KAZN: variants seen among roughly 807,000 people sequenced by gnomAD.
KAZN encodes kazrin, periplakin interacting protein.
KAZN carries 40 observed loss-of-function variants against 87.4 expected under a neutral mutation model. The observed-to-expected ratio is 0.46, with a 90% CI of 0.36 to 0.60. The LOEUF (loss-of-function observed/expected upper bound fraction) is 0.60. Among genes scored for constraint, KAZN ranks in the 20% least tolerant of loss-of-function variants. The pLI is 0.00. For missense variants in KAZN, 898 were observed against 1,073.9 expected, an observed-to-expected ratio of 0.84 and a Z score of 2.29; for synonymous variants, 466 against 458.3, an observed-to-expected ratio of 1.02 and a Z score of -0.22.
chr1:14,414,507 G>A (rs1357754460), intron 2 of KAZN, among the ~76,000 whole-genome samples: 1 of 152,132 alleles, frequency 6.6e-6, no homozygotes, highest in African/African-American at 2.4e-5. Flanking sequence ...GGATGAAACT[G>A]TAGAAACATA....
chr1:14,477,600 T>C (rs1668823678), intron 2 of KAZN, among the ~76,000 whole-genome samples: 1 of 152,102 alleles, frequency 6.6e-6, no homozygotes, highest in Non-Finnish European at 1.5e-5. Context: ...AGCCACTTGG[T>C]TCACATAGCC....
intron 2 of KAZN, among the ~76,000 whole-genome samples, chr1:14,268,764 A>C (rs1214479976): frequency 6.6e-6 from 1 of 152,224 alleles, no homozygotes; most frequent in Non-Finnish European, 1.5e-5. Context: ...CCCAATTTTC[A>C]CAGCCAGGTT....
chr1:14,733,848 G>GC (rs1437393233), intron 1 of KAZN, among the ~76,000 whole-genome samples: 3 of 152,100 alleles, frequency 2.0e-5, no homozygotes, highest in Non-Finnish European at 4.4e-5. Context: ...CTGGGGTTTG[G>GC]CCCCCCGATC....
chr1:14,117,788 C>T (rs1644660175), intron 1 of KAZN, among the ~76,000 whole-genome samples: 1 of 152,110 alleles, frequency 6.6e-6, no homozygotes, highest in Non-Finnish European at 1.5e-5. Flanking sequence ...GTGCCTCACA[C>T]TGTAAGGGGT....
intron 1 of KAZN, among the ~76,000 whole-genome samples, chr1:14,852,923 T>C (rs1420426257): frequency 6.6e-6 from 1 of 152,214 alleles, no homozygotes; most frequent in Non-Finnish European, 1.5e-5. Context: ...ATCTGTGCTT[T>C]AACCAGATCC....
In KAZN at chr1:13,923,591, A is replaced by T. The variant is rs898724561; in HGVS notation, c.91+29835A>T. The stretch of plus-strand genomic sequence containing the variant: ...CCATCTCAAAAAAAAAAAAAAAAAA[A>T]ATATAATTACTGTTTGTTAAGTGGA... On this transcript the variant is annotated intron_variant, in intron 1 of 16. Transcript: ENST00000636203. Among the ~76,000 whole-genome samples, 645 of 151,140 alleles carry T rather than the reference A, an allele frequency of 4.3e-3. 3 individuals are homozygous for T. The highest frequency in any genetic ancestry group is 0.013 in the African/African-American group (550 of 41,044).
At chr1:14,526,799 C>T (rs1671891415) in intron 2 of KAZN, among the ~76,000 whole-genome samples, 17 of 152,120 alleles carry the variant, frequency 1.1e-4, no homozygotes, top group Admixed American at 1.1e-3. Context: ...GTGTTCTCCC[C>T]CGCTGCTCAA....
Position 13,989,652 on chromosome 1 carries a change from A to G in KAZN, c.91+95896A>G, listed in dbSNP as rs1240196758. Among the ~76,000 whole-genome samples, 7 of 152,174 alleles carry G rather than the reference A, an allele frequency of 4.6e-5. No homozygotes were observed. The South Asian group carries it at 1.5e-3, about 32-fold the overall frequency. The stretch of plus-strand genomic sequence containing the variant: ...TCTAGGTGGTGGGGATAAATCAGTG[A>G]ATGGGAAAGGCAAGATTCTGTACTA... On this transcript the variant is annotated intron_variant, in intron 1 of 16. Transcript: ENST00000636203.
At chr1:15,045,206 C>T (rs1673350222) in intron 4 of KAZN, among the ~76,000 whole-genome samples, 1 of 152,140 alleles carries the variant, frequency 6.6e-6, no homozygotes. Flanking sequence ...ATCCAGGGAG[C>T]TTGTGGCTAG....
intron 2 of KAZN, among the ~76,000 whole-genome samples, chr1:14,505,071 T>G (rs571554784): frequency 6.6e-6 from 1 of 152,274 alleles, no homozygotes; most frequent in South Asian, 2.1e-4. Context: ...TTTCTGCTTC[T>G]GTGTAAAGGG....
At chr1:14,833,035 ATAATT>A (rs1330318149) in intron 1 of KAZN, among the ~76,000 whole-genome samples, 1 of 152,234 alleles carries the variant, frequency 6.6e-6, no homozygotes, top group Non-Finnish European at 1.5e-5. Context: ...TTGATAATGA[ATAATT>A]TACTTAATCA....
chr1:14,052,148 A>G (rs1642367290), intron 1 of KAZN, among the ~76,000 whole-genome samples: 1 of 152,158 alleles, frequency 6.6e-6, no homozygotes, highest in African/African-American at 2.4e-5. Context: ...CCCGGCTCAC[A>G]TCTTGTACCT....
chr1:14,555,796 A>C (rs1409534326), intron 2 of KAZN, among the ~76,000 whole-genome samples: 2 of 152,234 alleles, frequency 1.3e-5, no homozygotes, highest in African/African-American at 2.4e-5. Flanking sequence ...AGTGCCCATC[A>C]GTGTTTGCTG....
chr1:15,005,929 T>C (rs1207871090), intron 2 of KAZN, among the ~76,000 whole-genome samples: 2 of 152,318 alleles, frequency 1.3e-5, no homozygotes, highest in African/African-American at 4.8e-5. Context: ...AACAGTTTTG[T>C]TTCCCGTGTG....
At chr1:14,993,754 G>A (rs571000158) in intron 2 of KAZN, among the ~76,000 whole-genome samples, 5 of 152,288 alleles carry the variant, frequency 3.3e-5, no homozygotes, top group Admixed American at 6.5e-5. Context: ...TGATGTGTTC[G>A]TTGAGTCTTA....
At chr1:14,529,487 G>A (rs1343545319) in intron 2 of KAZN, among the ~76,000 whole-genome samples, 4 of 152,166 alleles carry the variant, frequency 2.6e-5, no homozygotes, top group South Asian at 2.1e-4. Flanking sequence ...AGTAAATAAC[G>A]ATCTTGGAAT....
At chr1:14,564,558 C>A (rs1674435987) in intron 2 of KAZN, among the ~76,000 whole-genome samples, 1 of 151,914 alleles carries the variant, frequency 6.6e-6, no homozygotes, top group African/African-American at 2.4e-5. Context: ...GTAATCCCAG[C>A]ACTTTAGGAG....
intron 2 of KAZN, among the ~76,000 whole-genome samples, chr1:15,013,719 A>G (rs1392411837): frequency 2.0e-5 from 3 of 151,644 alleles, no homozygotes; most frequent in Non-Finnish European, 1.5e-5. Flanking sequence ...GCACCATTGC[A>G]CTCCAACCTG....
chr1:14,558,458 C>G (rs1195404615), intron 2 of KAZN, among the ~76,000 whole-genome samples: 1 of 152,162 alleles, frequency 6.6e-6, no homozygotes, highest in East Asian at 1.9e-4. Flanking sequence ...TTGGGAGGTC[C>G]TTGGATGAGC....
Sources: gnomAD v4.1 joint callset for allele counts (sites outside exome capture counted in the v4.1 genomes callset) on GRCh38, gnomAD v4.1.1 for gene constraint, MANE v1.5 for transcripts, NCBI Gene and HGNC (gene_info 2026-07-23, HGNC 2026-07-21) for gene names.